THEMIS: variants seen among roughly 807,000 people sequenced by gnomAD.
THEMIS encodes thymocyte selection associated.
A neutral mutation model predicts 52.6 loss-of-function variants in THEMIS; 37 were observed. The ratio of observed to expected loss-of-function variants is 0.70; its 90% CI spans 0.54 to 0.93. The LOEUF (loss-of-function observed/expected upper bound fraction) is 0.93, where lower values mean the gene tolerates loss of function less well. Among genes scored for constraint, THEMIS ranks in the 40% least tolerant of loss-of-function variants. The pLI is 0.00. For missense variants in THEMIS, 808 were observed against 763.1 expected, an observed-to-expected ratio of 1.06 and a Z score of -0.69; for synonymous variants, 292 against 272.7, an observed-to-expected ratio of 1.07 and a Z score of -0.70.
intron 4 of THEMIS, among the ~76,000 whole-genome samples, chr6:127,726,530 T>C (rs1224541520): frequency 1.3e-5 from 2 of 152,192 alleles, no homozygotes; most frequent in East Asian, 3.9e-4. Flanking sequence ...GTTTCAAGAA[T>C]ATGTCAAGCA....
chr6:127,732,212 GT>G (rs899619076), intron 4 of THEMIS, among the ~76,000 whole-genome samples: 1 of 151,780 alleles, frequency 6.6e-6, no homozygotes, highest in Admixed American at 6.6e-5. Context: ...ACATGGCGAA[GT>G]TTTTTGTCAC....
intron 4 of THEMIS, among the ~76,000 whole-genome samples, chr6:127,731,579 T>C (rs1253836417): frequency 2.0e-5 from 3 of 150,886 alleles, no homozygotes; most frequent in Non-Finnish European, 4.4e-5. Context: ...GTCAAGGGCA[T>C]TTTCAGAAAA....
chr6:127,787,880 T>TAGACAG (rs200767496), intron 4 of THEMIS, among the ~76,000 whole-genome samples: 1 of 119,908 alleles, frequency 8.3e-6, no homozygotes, highest in South Asian at 2.7e-4. Context: ...GATAGATAGA[T>TAGACAG]ATAGATAGAT....
chr6:127,823,033 T>G (rs1394719018), intron 3 of THEMIS, among the ~76,000 whole-genome samples: 1 of 152,202 alleles, frequency 6.6e-6, no homozygotes, highest in Non-Finnish European at 1.5e-5. Flanking sequence ...CTGTATATAT[T>G]AATGTATAAT....
chr6:127,811,184 C>A (rs923759019), intron 4 of THEMIS, among the ~76,000 whole-genome samples: 5 of 152,116 alleles, frequency 3.3e-5, no homozygotes, highest in African/African-American at 1.2e-4. Context: ...TATTATCTTT[C>A]TATTGTTACT....
chr6:127,798,765 C>A (rs983990486), intron 4 of THEMIS, among the ~76,000 whole-genome samples: 2 of 151,774 alleles, frequency 1.3e-5, no homozygotes, highest in Non-Finnish European at 2.9e-5. Flanking sequence ...CCGAGGCGGG[C>A]GGATCACGAG....
chr6:127,898,998 G>A (rs1384323107), intron 1 of THEMIS, among the ~76,000 whole-genome samples: 1 of 151,728 alleles, frequency 6.6e-6, no homozygotes, highest in African/African-American at 2.4e-5. Flanking sequence ...AGAGGGGTTG[G>A]TTGATTAATG....
intron 4 of THEMIS, among the ~76,000 whole-genome samples, chr6:127,784,618 T>G (rs1776860761): frequency 6.6e-6 from 1 of 152,160 alleles, no homozygotes; most frequent in South Asian, 2.1e-4. Context: ...CTGTGGCTTC[T>G]GTTTGAGTCA....
At chr6:127,915,618 GAA>G (rs1419829065) in intron 1 of THEMIS, among the ~76,000 whole-genome samples, 4 of 136,606 alleles carry the variant, frequency 2.9e-5, no homozygotes, top group African/African-American at 1.1e-4. Flanking sequence ...GAGAGAGAGA[GAA>G]CTTGAGCTAC....
intron 1 of THEMIS, among the ~76,000 whole-genome samples, chr6:127,874,791 C>A (rs1271340650): frequency 6.6e-6 from 1 of 152,172 alleles, no homozygotes; most frequent in Admixed American, 6.5e-5. Flanking sequence ...TGTCTCTTGA[C>A]TGTAACAATG....
upstream of THEMIS, among the ~76,000 whole-genome samples, chr6:127,905,684 T>C (rs1781251191): frequency 6.6e-6 from 1 of 152,012 alleles, no homozygotes; most frequent in Non-Finnish European, 1.5e-5. Flanking sequence ...AATATAGCAG[T>C]AATGCAAAAG....
intron 3 of THEMIS, among the ~76,000 whole-genome samples, chr6:127,825,287 T>G (rs1337473991): frequency 6.6e-6 from 1 of 152,174 alleles, no homozygotes; most frequent in Non-Finnish European, 1.5e-5. Context: ...CACCTAAATA[T>G]TCAGATTGAA....
chr6:127,704,802 A>G (rs1179146897), downstream of THEMIS, among the ~76,000 whole-genome samples: 1 of 152,200 alleles, frequency 6.6e-6, no homozygotes, highest in Non-Finnish European at 1.5e-5. Flanking sequence ...ACATTGTTGT[A>G]CCTGCACTTT....
At chr6:127,809,531 G>A (rs982007550) in intron 4 of THEMIS, among the ~76,000 whole-genome samples, 1 of 152,044 alleles carries the variant, frequency 6.6e-6, no homozygotes, top group Non-Finnish European at 1.5e-5. Flanking sequence ...ATTTTAAAGT[G>A]ATTTCAGAGA....
At chr6:127,891,926 T>C (rs1054541751) in intron 1 of THEMIS, among the ~76,000 whole-genome samples, 22 of 152,200 alleles carry the variant, frequency 1.4e-4, no homozygotes, top group Admixed American at 3.9e-4. Context: ...ACAAAGCTCC[T>C]TTTGGTCCCC....
At chr6:127,908,095 G>T (rs959594769) in intron 1 of THEMIS, among the ~76,000 whole-genome samples, 2 of 152,010 alleles carry the variant, frequency 1.3e-5, no homozygotes, top group South Asian at 2.1e-4. Context: ...CTGCCTCCCG[G>T]CACTTTTAGT....
intron 4 of THEMIS, among the ~76,000 whole-genome samples, chr6:127,805,325 T>A (rs894163922): frequency 5.9e-5 from 9 of 152,100 alleles, no homozygotes; most frequent in African/African-American, 2.2e-4. Context: ...GCTTAGAAAG[T>A]TTCTAAGACA....
At chr6:127,762,024 T>C (rs1229113593) in intron 4 of THEMIS, among the ~76,000 whole-genome samples, 1 of 152,124 alleles carries the variant, frequency 6.6e-6, no homozygotes, top group African/African-American at 2.4e-5. Context: ...GATTAATGAA[T>C]GGATAAAGAA....
the THEMIS span, among the ~76,000 whole-genome samples, chr6:127,699,110 G>A: frequency 7.3e-5 from 11 of 151,630 alleles, no homozygotes; most frequent in Non-Finnish European, 1.3e-4. Flanking sequence ...TCTTCTCACA[G>A]GATCAATAGG....
Sources: allele counts gnomAD v4.1 joint callset (sites outside exome capture counted in the v4.1 genomes callset), GRCh38; gene constraint gnomAD v4.1.1; transcripts MANE v1.5; gene names NCBI Gene and HGNC (gene_info 2026-07-23, HGNC 2026-07-21).